The following KCNH5 variants were observed in gnomAD, a reference collection of about 807,000 sequenced individuals.
KCNH5 encodes the protein potassium voltage-gated channel subfamily H member 5, also known as voltage-gated delayed rectifier potassium channel KCNH5.
A neutral mutation model predicts 96.1 loss-of-function variants in KCNH5; 46 were observed. The observed-to-expected ratio is 0.48, with a 90% CI of 0.38 to 0.61. KCNH5 has a LOEUF of 0.61. Ranked by LOEUF, KCNH5 falls within the 20% of genes least tolerant of loss-of-function variation. The probability of loss-of-function intolerance (pLI) is 0.00; values close to 1 mark genes in which losing one functional copy is unlikely to be tolerated. For missense variants in KCNH5, 907 were observed against 1,225.8 expected (o/e 0.74, Z 3.88); for synonymous variants, 439 against 449.8 (o/e 0.98, Z 0.30).
intron 7 of KCNH5, among the ~76,000 whole-genome samples, chr14:62,916,738 G>A (rs944799160): frequency 2.6e-5 from 4 of 152,206 alleles, no homozygotes; most frequent in Non-Finnish European, 5.9e-5. Flanking sequence ...CAGCTCCAAC[G>A]GAGGGTCATG....
intron 7 of KCNH5, among the ~76,000 whole-genome samples, chr14:62,918,061 C>A (rs180679703): frequency 1.3e-5 from 2 of 152,206 alleles, no homozygotes; most frequent in Admixed American, 1.3e-4. Flanking sequence ...GGCCTATATT[C>A]TAATCCTTAC....
At chr14:62,963,028 C>T (rs1890241922) in intron 6 of KCNH5, among the ~76,000 whole-genome samples, 1 of 152,084 alleles carries the variant, frequency 6.6e-6, no homozygotes, top group South Asian at 2.1e-4. Flanking sequence ...TAGCCTAAAG[C>T]TAGGTCACAA....
intron 9 of KCNH5, among the ~76,000 whole-genome samples, chr14:62,788,614 G>C (rs763676888): frequency 2.6e-5 from 4 of 152,050 alleles, no homozygotes; most frequent in African/African-American, 4.8e-5. Flanking sequence ...AGAGTCAATT[G>C]ATGCAGTAAA....
intron 7 of KCNH5, among the ~76,000 whole-genome samples, chr14:62,945,095 T>C (rs1231169619): frequency 6.6e-6 from 1 of 151,792 alleles, no homozygotes. Flanking sequence ...AGAGAAGGAA[T>C]AGAACCAACT....
chr14:62,765,278 C>T (rs923972446), intron 10 of KCNH5, among the ~76,000 whole-genome samples: 6 of 152,134 alleles, frequency 3.9e-5, no homozygotes, highest in Admixed American at 2.0e-4. Flanking sequence ...AGGAAAAGGA[C>T]TCCCTATTCC....
chr14:62,924,436 A>AACC (rs1391444491), intron 7 of KCNH5, among the ~76,000 whole-genome samples: 7 of 152,010 alleles, frequency 4.6e-5, no homozygotes, highest in Non-Finnish European at 8.8e-5. Context: ...TTAAAAATAG[A>AACC]ACCACCATAT....
intron 4 of KCNH5, among the ~76,000 whole-genome samples, chr14:62,997,339 A>G (rs767228620): frequency 3.3e-5 from 5 of 152,174 alleles, no homozygotes; most frequent in Admixed American, 6.5e-5. Context: ...TTAGAATATT[A>G]TAGGCTTTAT....
At chr14:63,033,480 T>C (rs911827644) in intron 1 of KCNH5, among the ~76,000 whole-genome samples, 4 of 152,198 alleles carry the variant, frequency 2.6e-5, no homozygotes, top group South Asian at 2.1e-4. Flanking sequence ...GGCCTCCCAA[T>C]TGGAATTAGA....
chr14:63,023,187 A>C (rs2139614645), intron 1 of KCNH5, among the ~76,000 whole-genome samples: 1 of 151,748 alleles, frequency 6.6e-6, no homozygotes, highest in Non-Finnish European at 1.5e-5. Flanking sequence ...TGGGCAACAG[A>C]GCAAGACTAC....
intron 8 of KCNH5, among the ~76,000 whole-genome samples, chr14:62,820,782 A>G (rs1887099339): frequency 6.6e-6 from 1 of 152,156 alleles, no homozygotes; most frequent in Non-Finnish European, 1.5e-5. Context: ...GCTATTGTGA[A>G]TAGTGACAAT....
chr14:62,737,100 C>A lies in KCNH5; in HGVS notation c.2020-28645G>T, dbSNP rs1180548731. ...TAATGAGGTCTAATTATCCTACATA[C>A]AATTGCAACCCTCCACAAATGCTTG... is the stretch of plus-strand genomic sequence containing the variant. On this transcript the variant is annotated intron_variant, in intron 10 of 10. Coordinates refer to ENST00000322893, the MANE Select transcript of KCNH5 (RefSeq NM_139318.5). Among the ~76,000 whole-genome samples, 3 of 152,272 alleles carry A rather than the reference C, an allele frequency of 2.0e-5. No homozygotes were observed. The East Asian group carries it at 5.8e-4, about 29-fold the overall frequency.
chr14:62,945,145 G>A (rs905591582), intron 7 of KCNH5, among the ~76,000 whole-genome samples: 1 of 152,124 alleles, frequency 6.6e-6, no homozygotes, highest in Admixed American at 6.6e-5. Flanking sequence ...CTGAATATAC[G>A]TGAAAATTTC....
chr14:62,925,771 C>T (rs1218499774), intron 7 of KCNH5, among the ~76,000 whole-genome samples: 2 of 151,986 alleles, frequency 1.3e-5, no homozygotes, highest in East Asian at 3.9e-4. Context: ...TAATTGTGTA[C>T]TCTGAAGTTA....
chr14:63,016,976 A>G, intron 1 of KCNH5, 22 bp from the exon 2 acceptor site: 1 of 1,593,668 alleles, frequency 6.3e-7, no homozygotes. Flanking sequence ...AGGAGAAAAA[A>G]GGAGGTTATT....
At chr14:62,994,587 A>T (rs1890872373) in intron 4 of KCNH5, among the ~76,000 whole-genome samples, 1 of 152,054 alleles carries the variant, frequency 6.6e-6, no homozygotes, top group Non-Finnish European at 1.5e-5. Flanking sequence ...AATTATTATC[A>T]GTTAGTTTAT....
At chr14:63,017,876 T>C (rs1420997464) in intron 1 of KCNH5, among the ~76,000 whole-genome samples, 1 of 151,922 alleles carries the variant, frequency 6.6e-6, no homozygotes, top group African/African-American at 2.4e-5. Flanking sequence ...AGACTTTAAA[T>C]CCTCATTCAT....
intron 8 of KCNH5, among the ~76,000 whole-genome samples, chr14:62,821,494 A>G (rs973502867): frequency 6.6e-6 from 1 of 152,156 alleles, no homozygotes; most frequent in Non-Finnish European, 1.5e-5. Flanking sequence ...TCAGTATTCT[A>G]CATGTTAGAC....
intron 1 of KCNH5, among the ~76,000 whole-genome samples, chr14:63,033,406 C>T (rs1277617897): frequency 1.3e-5 from 2 of 152,190 alleles, no homozygotes; most frequent in African/African-American, 4.8e-5. Context: ...AAATATTCTT[C>T]TTCCCACTTA....
intron 10 of KCNH5, among the ~76,000 whole-genome samples, chr14:62,774,988 CA>C (rs1335977371): frequency 6.6e-6 from 1 of 152,098 alleles, no homozygotes; most frequent in African/African-American, 2.4e-5. Flanking sequence ...GAAATCCTAT[CA>C]AAATATTTTC....
Sources: allele counts gnomAD v4.1 joint callset (sites outside exome capture counted in the v4.1 genomes callset), GRCh38; gene constraint gnomAD v4.1.1; transcripts MANE v1.5; gene names NCBI Gene and HGNC (gene_info 2026-07-23, HGNC 2026-07-21).